Variants in TMPRSS5 observed in about 807,000 individuals in gnomAD.
TMPRSS5 encodes the protein transmembrane protease serine 5.
A neutral mutation model predicts 59.7 loss-of-function variants in TMPRSS5; 45 were observed. The ratio of observed to expected loss-of-function variants is 0.75; its 90% CI spans 0.59 to 0.97. TMPRSS5 has a LOEUF of 0.97. Ranked by LOEUF, TMPRSS5 falls within the 50% of genes least tolerant of loss-of-function variation. The pLI, the probability that TMPRSS5 is intolerant of heterozygous loss-of-function variation, is 0.00. For missense variants in TMPRSS5, 585 were observed against 596.7 expected, an observed-to-expected ratio of 0.98 and a Z score of 0.20; for synonymous variants, 225 against 232.0, an observed-to-expected ratio of 0.97 and a Z score of 0.27.
intron 1 of TMPRSS5, among the ~76,000 whole-genome samples, chr11:113,703,667 G>T (rs1565268086): frequency 6.6e-6 from 1 of 152,198 alleles, no homozygotes; most frequent in Non-Finnish European, 1.5e-5. Flanking sequence ...CCTCATAGTA[G>T]GTGATTGGAT....
chr11:113,697,432 A>C lies in TMPRSS5; in HGVS notation c.329-14T>G, dbSNP rs1412059241. Reference sequence around the variant, plus strand: ...TTCTGAAAGATACTGAAATCACAGCATGAAAACCACATGGGAGAGGATGGT... The same window carrying C: ...TTCTGAAAGATACTGAAATCACAGCCTGAAAACCACATGGGAGAGGATGGT... On this transcript the variant is annotated splice_polypyrimidine_tract_variant and intron_variant, in intron 4 of 12. Coordinates refer to ENST00000299882, the MANE Select transcript of TMPRSS5 (RefSeq NM_030770.4). The C allele has an allele frequency of 1.2e-6, 2 of 1,612,960 alleles. No individual in the cohort carries two copies. Among genetic ancestry groups the C allele is most frequent in the Non-Finnish European group, 1.7e-6 (2 of 1,179,324 alleles).
intron 8 of TMPRSS5, among the ~76,000 whole-genome samples, chr11:113,694,094 C>T (rs1013355003): frequency 2.0e-5 from 3 of 152,022 alleles, no homozygotes; most frequent in African/African-American, 7.2e-5. Context: ...ATGGCGAAAC[C>T]CCATCTCTAC....
At chr11:113,690,187 C>T (rs1365021039) in intron 11 of TMPRSS5, 44 bp downstream of exon 11, 2 of 1,373,792 alleles carry the variant, frequency 1.5e-6, no homozygotes, top group Non-Finnish European at 2.0e-6. Flanking sequence ...CCCTCCCACC[C>T]CCACCTCCAC....
intron 4 of TMPRSS5, among the ~76,000 whole-genome samples, chr11:113,698,167 T>C (rs930729196): frequency 1.3e-5 from 2 of 152,178 alleles, no homozygotes; most frequent in Non-Finnish European, 1.5e-5. Flanking sequence ...CACAGCACCT[T>C]GATCTTGGAC....
intron 8 of TMPRSS5, 171 bp downstream of exon 8, chr11:113,694,306 TG>T (rs1383536680): frequency 2.0e-6 from 1 of 494,104 alleles, no homozygotes; most frequent in East Asian, 3.1e-5. Context: ...TACTGTTATT[TG>T]TGCAGATCTG....
Position 113,690,699 on chromosome 11 carries a change from A to C in TMPRSS5, c.1063+142T>G, listed in dbSNP as rs7114195. On this transcript the variant is annotated intron_variant, in intron 10 of 12. Transcript: ENST00000299882. The stretch of plus-strand genomic sequence containing the variant: ...AAGGCCCAAGCAGGGGAGACTGGAG[A>C]CCCTAGGCCTGACCAAGGGTGATGC... The C allele has an allele frequency of 0.68, 535,155 of 784,030 alleles. 185,551 individuals carry two copies. The highest frequency in any genetic ancestry group is 0.92 in the African/African-American group (52,867 of 57,442). The allele number at this position is 784,030 out of a possible 1,614,324, so 48.6% of individuals were successfully genotyped here. A position where few individuals can be genotyped will look rare whatever the true frequency, so the allele number is the denominator to read the frequency against.
intron 9 of TMPRSS5, 188 bp from the exon 10 acceptor site, chr11:113,691,127 C>A: frequency 1.7e-6 from 1 of 589,764 alleles, no homozygotes; most frequent in Non-Finnish European, 3.1e-6. Flanking sequence ...CTTTGGGGTC[C>A]CCTGTCACAG....
chr11:113,693,483 C>A (rs1365363314), intron 8 of TMPRSS5: 2 of 394,438 alleles, frequency 5.1e-6, no homozygotes, highest in Non-Finnish European at 9.0e-6. Flanking sequence ...ATAGAGAAGA[C>A]TATGGGTCAT....
At chr11:113,699,211 G>GTC (rs1221479693) in intron 3 of TMPRSS5, among the ~76,000 whole-genome samples, 184 bp from the exon 4 acceptor site, 1 of 62,954 alleles carries the variant, frequency 1.6e-5, no homozygotes. Context: ...TTGTCTGTCT[G>GTC]TCTCTCTCTC....
At chr11:113,701,181 A>G (rs1185294017) in intron 1 of TMPRSS5, among the ~76,000 whole-genome samples, 2 of 152,236 alleles carry the variant, frequency 1.3e-5, no homozygotes, top group Admixed American at 1.3e-4. Flanking sequence ...GCTGCTGTAA[A>G]GATACCTAAA....
At chr11:113,691,521 G>A (rs996267614) in intron 9 of TMPRSS5, among the ~76,000 whole-genome samples, 10 of 152,074 alleles carry the variant, frequency 6.6e-5, no homozygotes, top group South Asian at 2.1e-4. Context: ...CTTCTGCAGC[G>A]GACTCAGCTA....
At chr11:113,700,431 A>G (rs1953100410) in intron 1 of TMPRSS5, among the ~76,000 whole-genome samples, 1 of 152,110 alleles carries the variant, frequency 6.6e-6, no homozygotes, top group Non-Finnish European at 1.5e-5. Context: ...GGCCCACTCC[A>G]AAGCCTGCAC....
At chr11:113,696,807 A>C in intron 6 of TMPRSS5, 51 bp downstream of exon 6, 2 of 1,300,384 alleles carry the variant, frequency 1.5e-6, no homozygotes, top group Non-Finnish European at 2.2e-6. Context: ...TGCTGGATTG[A>C]CCACCAGGAA....
At chr11:113,693,834 G>A (rs892358883) in intron 8 of TMPRSS5, 2 of 152,330 alleles carry the variant, frequency 1.3e-5, no homozygotes, top group Admixed American at 6.5e-5. Context: ...AAATAAGACT[G>A]AGAGTCCCTG....
At chr11:113,690,180 T>TCCCCCCCCCC in intron 11 of TMPRSS5, 51 bp downstream of exon 11, 2 of 187,990 alleles carry the variant, frequency 1.1e-5, no homozygotes, top group Non-Finnish European at 1.8e-5. Flanking sequence ...CCCCCTGCCC[T>TCCCCCCCCCC]CCCACCCCCA....
At chr11:113,690,171 CCCCTGCCCT>C in intron 11 of TMPRSS5, 51 bp downstream of exon 11, 2 of 771,728 alleles carry the variant, frequency 2.6e-6, no homozygotes, top group Non-Finnish European at 4.2e-6. Flanking sequence ...CACAGCAGGC[CCCCTGCCCT>C]CCCACCCCCA....
intron 11 of TMPRSS5, 44 bp from the exon 12 acceptor site, chr11:113,689,961 T>A: frequency 6.7e-7 from 1 of 1,497,292 alleles, no homozygotes; most frequent in Non-Finnish European, 9.0e-7. Context: ...AGCCAGTTAG[T>A]TCTTCCTGAT....
Position 113,693,214 on chromosome 11 carries a change from T to A in TMPRSS5, c.821A>T (p.His274Leu). The A allele has an allele frequency of 6.3e-7, 1 of 1,586,216 alleles. No individual in the cohort carries two copies. The highest frequency in any genetic ancestry group is 8.6e-7 in the Non-Finnish European group (1 of 1,164,806). ...GGCACTGTGGCTGACCAGCCCCGCA[T>A]GAACCCGCCAGCTGGACAGGCGGGC... ...RLARLSSWRV[H>L]AGLVSHSAVR... Residue 274 changes from histidine (H) to leucine (L), a missense_variant, in exon 9 of 13, where the codon CAT becomes CTT. Transcript: ENST00000299882.
intron 11 of TMPRSS5, 135 bp from the exon 12 acceptor site, chr11:113,690,052 AC>A: frequency 1.6e-6 from 2 of 1,259,056 alleles, no homozygotes; most frequent in Non-Finnish European, 2.2e-6. Context: ...TGCTGGCCTC[AC>A]CCCTCCTTAA....
Sources: allele counts gnomAD v4.1 joint callset (sites outside exome capture counted in the v4.1 genomes callset), GRCh38; gene constraint gnomAD v4.1.1; transcripts MANE v1.5; gene names NCBI Gene and HGNC (gene_info 2026-07-23, HGNC 2026-07-21).